Variants in CD58 observed in about 807,000 individuals in gnomAD.
CD58 encodes lymphocyte function-associated antigen 3.
A neutral mutation model predicts 27.6 loss-of-function variants in CD58; 14 were observed. The observed-to-expected ratio is 0.51, with a 90% CI of 0.34 to 0.79. The LOEUF (loss-of-function observed/expected upper bound fraction) is 0.79. Ranked by LOEUF, CD58 falls within the 30% of genes least tolerant of loss-of-function variation. The pLI is 0.02. For missense variants in CD58, 268 were observed against 301.7 expected (o/e 0.89, Z 0.83); for synonymous variants, 117 against 103.8 (o/e 1.13, Z -0.77).
intron 1 of CD58, among the ~76,000 whole-genome samples, chr1:116,544,835 C>T (rs1316818979): frequency 6.6e-6 from 1 of 152,208 alleles, no homozygotes; most frequent in Non-Finnish European, 1.5e-5. Context: ...GTAGTACGGG[C>T]TGGGCTGGGA....
rs1041779652 is a variant in CD58 at position 116,541,870 on chromosome 1, G to A, written c.364+2441C>T. On this transcript the variant is annotated intron_variant, in intron 2 of 5. Transcript: ENST00000369489. The surrounding 1 kb of genome is among the most constrained non-coding windows in gnomAD (Gnocchi z 5.3). ...ATGAGCTCACCCACTGGCTATGAACGCAGACAGAAAAGGAAAGAGACCTAA... is the reference window on the plus strand; with the variant it reads ...ATGAGCTCACCCACTGGCTATGAACACAGACAGAAAAGGAAAGAGACCTAA... 3.3e-5 allele frequency among the ~76,000 whole-genome samples: 5 copies of A among 152,144 alleles called. No homozygotes were observed. The highest frequency in any genetic ancestry group is 9.7e-5 in the African/African-American group (4 of 41,422).
chr1:116,537,227 G>A (rs1657843135), intron 2 of CD58, among the ~76,000 whole-genome samples: 1 of 152,168 alleles, frequency 6.6e-6, no homozygotes, highest in Admixed American at 6.5e-5. Context: ...TACACACAGT[G>A]GGCTATGATT....
chr1:116,514,943 C>G, intron 5 of CD58, 121 bp from the exon 6 acceptor site: 1 of 659,724 alleles, frequency 1.5e-6, no homozygotes, highest in Admixed American at 3.0e-5. Context: ...CTCATCAAAG[C>G]CAAGGGAGCT....
At chr1:116,530,367 G>C (rs766429623) in intron 3 of CD58, among the ~76,000 whole-genome samples, 1 of 152,046 alleles carries the variant, frequency 6.6e-6, no homozygotes, top group Non-Finnish European at 1.5e-5. Flanking sequence ...CAACACACCT[G>C]ACTAATTTTT....
chr1:116,552,176 T>G lies in CD58; in HGVS notation c.71-7572A>C, dbSNP rs555828794. Among the ~76,000 whole-genome samples the G allele has an allele frequency of 6.6e-6, 1 of 152,336 alleles. No individual in the cohort carries two copies. Among genetic ancestry groups the G allele is most frequent in the South Asian group, 2.1e-4 (1 of 4,830 alleles). On this transcript the variant is annotated intron_variant, in intron 1 of 5. Coordinates refer to ENST00000369489, the MANE Select transcript of CD58 (RefSeq NM_001779.3). This position sits in a 1 kb window ranked among gnomAD's most constrained non-coding sequence, Gnocchi z 4.5. ...TTGCAGGGTTATTAAATTGGCCTAATTTCAGTATCATTGTCTCAGGTGACA... is the reference window on the plus strand; with the variant it reads ...TTGCAGGGTTATTAAATTGGCCTAAGTTCAGTATCATTGTCTCAGGTGACA...
rs1243254698 is a variant in CD58 at position 116,570,613 on chromosome 1, G to A, written c.70+290C>T. ...AAGGAACTTGGTCACTGGAGCTCGG[G>A]AGGGGGCCGGCGGGGGGGCGCAGGC... On this transcript the variant is annotated intron_variant, in intron 1 of 5. Coordinates refer to ENST00000369489, the MANE Select transcript of CD58 (RefSeq NM_001779.3). The surrounding 1 kb of genome is among the most constrained non-coding windows in gnomAD (Gnocchi z 6.4). 2.0e-5 allele frequency among the ~76,000 whole-genome samples: 3 copies of A among 152,170 alleles called. No homozygotes were observed. The highest frequency in any genetic ancestry group is 7.2e-5 in the African/African-American group (3 of 41,444).
rs1256428008 is a variant in CD58 at position 116,563,137 on chromosome 1, C to T, written c.70+7766G>A. On this transcript the variant is annotated intron_variant, in intron 1 of 5. Transcript: ENST00000369489. The surrounding 1 kb of genome is among the most constrained non-coding windows in gnomAD (Gnocchi z 4.1). ...TGTCCAAAACAAAAGGGCTACAGGC[C>T]CCATGCAAGTCCTAAATCCAATAGG... Among the ~76,000 whole-genome samples the T allele has an allele frequency of 6.6e-6, 1 of 152,146 alleles. No individual in the cohort carries two copies. The highest frequency in any genetic ancestry group is 1.5e-5 in the Non-Finnish European group (1 of 68,042).
Position 116,533,292 on chromosome 1 carries a change from T to G in CD58, c.628+2673A>C. 2.2e-6 allele frequency: 3 copies of G among 1,374,224 alleles called. No individual in the cohort carries two copies. The South Asian group carries it at 3.5e-5, about 16-fold the overall frequency. 85.1% of individuals were successfully genotyped at this position (1,374,224 alleles called of 1,614,324 possible). On this transcript the variant is annotated intron_variant, in intron 3 of 5. Coordinates refer to ENST00000369489, the MANE Select transcript of CD58 (RefSeq NM_001779.3). ...TGGACCCTTACGCTTCTGCTTTTTC[T>G]TGATGGTTTTGACAGTAACATTCTT...
Position 116,522,163 on chromosome 1 carries a change from A to G in CD58, c.629-180T>C, listed in dbSNP as rs1657282067. On this transcript the variant is annotated intron_variant, in intron 3 of 5. Transcript: ENST00000369489. The surrounding 1 kb of genome is among the most constrained non-coding windows in gnomAD (Gnocchi z 4.6). ...CAGTGATGAAAACTTTGAGTCACCC[A>G]ATAAGCAGATTCCCAGCAGAGGTGG... Among the ~76,000 whole-genome samples, 1 of 152,244 alleles carries G rather than the reference A, an allele frequency of 6.6e-6. No homozygotes were observed. The highest frequency in any genetic ancestry group is 2.4e-5 in the African/African-American group (1 of 41,462).
In CD58 at chr1:116,531,090, G is replaced by C. The variant is rs543645045; in HGVS notation, c.628+4875C>G. Among the ~76,000 whole-genome samples the C allele has an allele frequency of 6.6e-6, 1 of 152,280 alleles. No homozygotes were observed. The highest frequency in any genetic ancestry group is 2.4e-5 in the African/African-American group (1 of 41,560). On this transcript the variant is annotated intron_variant, in intron 3 of 5. Coordinates refer to ENST00000369489, the MANE Select transcript of CD58 (RefSeq NM_001779.3). This position sits in a 1 kb window ranked among gnomAD's most constrained non-coding sequence, Gnocchi z 4.5. The stretch of plus-strand genomic sequence containing the variant: ...TTAAAAGAATTTTTTCAAATTAATA[G>C]TACTTATTTCAAATCAATAAGAGGA...
chr1:116,522,502 C>T lies in CD58; in HGVS notation c.629-519G>A, dbSNP rs1657290998. Among the ~76,000 whole-genome samples the T allele has an allele frequency of 2.0e-5, 3 of 152,270 alleles. No homozygotes were observed. The highest frequency in any genetic ancestry group is 4.1e-4 in the South Asian group (2 of 4,828). On this transcript the variant is annotated intron_variant, in intron 3 of 5. Transcript: ENST00000369489. This position sits in a 1 kb window ranked among gnomAD's most constrained non-coding sequence, Gnocchi z 4.6. ...ATTAAGGTTTATTTAAACAGAGACACACATAAAACAAGGTTATAAACAGAT... is the reference window on the plus strand; with the variant it reads ...ATTAAGGTTTATTTAAACAGAGACATACATAAAACAAGGTTATAAACAGAT...
chr1:116,517,843 T>A lies in CD58; in HGVS notation c.743+1388A>T, dbSNP rs1455366233. Among the ~76,000 whole-genome samples the A allele has an allele frequency of 6.6e-6, 1 of 152,186 alleles. No homozygotes were observed. Among genetic ancestry groups the A allele is most frequent in the African/African-American group, 2.4e-5 (1 of 41,458 alleles). ...TGCATGGACATCACTAGCCAGGTAA[T>A]ACACCAGCACCCCAAAATCAACCTG... On this transcript the variant is annotated intron_variant, in intron 5 of 5. Coordinates refer to ENST00000369489, the MANE Select transcript of CD58 (RefSeq NM_001779.3). The surrounding 1 kb of genome is among the most constrained non-coding windows in gnomAD (Gnocchi z 6.5).
chr1:116,555,418 T>C (rs935653186), intron 1 of CD58, among the ~76,000 whole-genome samples: 13 of 152,176 alleles, frequency 8.5e-5, no homozygotes, highest in Non-Finnish European at 1.9e-4. Flanking sequence ...ATTAACTGGG[T>C]GAGAACTGGG....
chr1:116,537,874 G>A (rs915669530), intron 2 of CD58, among the ~76,000 whole-genome samples: 4 of 152,136 alleles, frequency 2.6e-5, no homozygotes, highest in Admixed American at 6.5e-5. Context: ...CATTATAAAC[G>A]TCTACTAAAA....
chr1:116,554,514 T>C (rs966858824), intron 1 of CD58, among the ~76,000 whole-genome samples: 1 of 152,020 alleles, frequency 6.6e-6, no homozygotes, highest in Admixed American at 6.6e-5. Context: ...AGTGAGACCC[T>C]GTCTCTACCA....
In CD58 at chr1:116,533,796, G is replaced by C. The variant is rs1657698069; in HGVS notation, c.628+2169C>G. The C allele has an allele frequency of 3.9e-5, 29 of 744,406 alleles. No individual in the cohort carries two copies. The South Asian group carries it at 3.9e-4, about 10-fold the overall frequency. The allele number at this position is 744,406 out of a possible 1,614,324, so 46.1% of individuals were successfully genotyped here. On this transcript the variant is annotated intron_variant, in intron 3 of 5. Coordinates refer to ENST00000369489, the MANE Select transcript of CD58 (RefSeq NM_001779.3). ...CTCTTCTCTCGTCAAAGAGAGGCTGGTATAATGCTGCATATTTTCTTTCCA... is the reference window on the plus strand; with the variant it reads ...CTCTTCTCTCGTCAAAGAGAGGCTGCTATAATGCTGCATATTTTCTTTCCA...
chr1:116,521,725 T>A lies in CD58; in HGVS notation c.706+181A>T, dbSNP rs564903217. ...CCTAAGGATTCATTCTACCTTGAGA[T>A]AATGTGGATCTTTGGAGGAACCTAG... is the stretch of plus-strand genomic sequence containing the variant. On this transcript the variant is annotated intron_variant, in intron 4 of 5. Transcript: ENST00000369489. This position sits in a 1 kb window ranked among gnomAD's most constrained non-coding sequence, Gnocchi z 5.6. 28 of 535,380 alleles carry A rather than the reference T, an allele frequency of 5.2e-5. No individual in the cohort carries two copies. Among genetic ancestry groups the A allele is most frequent in the Non-Finnish European group, 9.7e-5 (28 of 289,464 alleles). The allele number at this position is 535,380 out of a possible 1,614,324, so 33.2% of individuals were successfully genotyped here. A position where few individuals can be genotyped will look rare whatever the true frequency, so the allele number is the denominator to read the frequency against.
rs1658852483 is a variant in CD58, at chr1:116,563,990, T to A, written c.70+6913A>T. ...TTGGGCTGCAAATTTTTTGAACTTT[T>A]ATGCCCTGCTATCCTTTTAAACATA... On this transcript the variant is annotated intron_variant, in intron 1 of 5. Transcript: ENST00000369489. This position sits in a 1 kb window ranked among gnomAD's most constrained non-coding sequence, Gnocchi z 4.1. Among the ~76,000 whole-genome samples, 1 of 152,270 alleles carries A rather than the reference T, an allele frequency of 6.6e-6. No individual in the cohort carries two copies. The highest frequency in any genetic ancestry group is 6.5e-5 in the Admixed American group (1 of 15,290).
Position 116,532,522 on chromosome 1 carries a change from G to A in CD58, c.628+3443C>T, listed in dbSNP as rs1295444934. Among the ~76,000 whole-genome samples, 8 of 152,196 alleles carry A rather than the reference G, an allele frequency of 5.3e-5. No individual in the cohort carries two copies. The South Asian group carries it at 1.0e-3, about 20-fold the overall frequency. On this transcript the variant is annotated intron_variant, in intron 3 of 5. Coordinates refer to ENST00000369489, the MANE Select transcript of CD58 (RefSeq NM_001779.3). This position sits in a 1 kb window ranked among gnomAD's most constrained non-coding sequence, Gnocchi z 5.1. ...GTGGGTTTCTTCAAATGAAAGGAAA[G>A]AATTCAGTCCAACTGCAGGAGTGGT...
Sources: gnomAD v4.1 joint callset for allele counts (sites outside exome capture counted in the v4.1 genomes callset) on GRCh38, gnomAD v4.1.1 for gene constraint, Gnocchi (gnomAD v3.1) non-coding constraint, MANE v1.5 for transcripts, NCBI Gene and HGNC (gene_info 2026-07-23, HGNC 2026-07-21) for gene names.